ZC3H4: variants seen among roughly 807,000 people sequenced by gnomAD.
ZC3H4 encodes the protein zinc finger CCCH domain-containing protein 4.
Under a neutral mutation model 108.3 loss-of-function variants are expected in ZC3H4, and 13 were observed. That is an observed-to-expected ratio of 0.12 (90% confidence interval 0.08 to 0.19). The LOEUF is 0.19. Among genes scored for constraint, ZC3H4 ranks in the 10% least tolerant of loss-of-function variants. The probability of loss-of-function intolerance (pLI) is 1.00; values close to 1 mark genes in which losing one functional copy is unlikely to be tolerated. For missense variants in ZC3H4, 1,734 were observed against 1,838.8 expected, an observed-to-expected ratio of 0.94 and a Z score of 1.04; for synonymous variants, 917 against 749.6, an observed-to-expected ratio of 1.22 and a Z score of -3.65.
rs778540261 is a variant in ZC3H4 at position 47,069,235 on chromosome 19, G to A, written c.2255C>T (p.Pro752Leu). 23 of 1,613,480 alleles carry A rather than the reference G, an allele frequency of 1.4e-5. No individual in the cohort carries two copies. Among genetic ancestry groups the A allele is most frequent in the East Asian group, 4.5e-5 (2 of 44,870 alleles). Residue 752 changes from proline to leucine, a missense_variant, in exon 14 of 15, where the codon CCG becomes CTG. Transcript: ENST00000253048. ...SFSEGGPPGR[P>L]KPGAGVPDFL... ...GTCAGGGACACCGGCGCCTGGCTTC[G>A]GCCGGCCTGGGGGCCCTCCCTCAGA...
chr19:47,069,138 C>G lies in ZC3H4; in HGVS notation c.2352G>C (p.Ala784=). ...GCTTGCTGCTCTCAGCCAGCCTCCT[C>G]GCTCTCTCCTCCTCCTCCTGCTGCT... ...QQKQQEEEER[A]RRLAESSKQD... Residue 784 remains alanine (A), a synonymous_variant, in exon 14 of 15, where the codon GCG becomes GCC. Coordinates refer to ENST00000253048, the MANE Select transcript of ZC3H4 (RefSeq NM_015168.2). The G allele has an allele frequency of 6.2e-7, 1 of 1,606,206 alleles. No individual in the cohort carries two copies. The highest frequency in any genetic ancestry group is 8.5e-7 in the Non-Finnish European group (1 of 1,179,932).
chr19:47,093,864 G>T, intron 4 of ZC3H4, 106 bp downstream of exon 4: 2 of 910,118 alleles, frequency 2.2e-6, no homozygotes, highest in Non-Finnish European at 3.4e-6. Context: ...GATGGCCCAG[G>T]ACTGAAACTC....
At chr19:47,098,057 C>T (rs1028308749) in intron 2 of ZC3H4, among the ~76,000 whole-genome samples, 19 of 152,334 alleles carry the variant, frequency 1.2e-4, no homozygotes, top group Admixed American at 4.6e-4. Flanking sequence ...CCGGGTATTT[C>T]GGTTCCCATT....
chr19:47,095,825 C>A (rs1448740765), intron 2 of ZC3H4, among the ~76,000 whole-genome samples: 1 of 152,178 alleles, frequency 6.6e-6, no homozygotes, highest in East Asian at 1.9e-4. Flanking sequence ...AAAAGGCTTG[C>A]GTGAGAGCAT....
chr19:47,082,751 G>A (rs769133719), intron 9 of ZC3H4, among the ~76,000 whole-genome samples: 24 of 152,240 alleles, frequency 1.6e-4, no homozygotes, highest in Non-Finnish European at 3.1e-4. Context: ...ATAGTAAGCA[G>A]GAATGAGCCT....
intron 13 of ZC3H4, among the ~76,000 whole-genome samples, chr19:47,071,279 T>C (rs984157350): frequency 2.6e-5 from 4 of 151,992 alleles, no homozygotes; most frequent in Non-Finnish European, 4.4e-5. Flanking sequence ...ACATCTCCTA[T>C]GGCTGCAGCA....
chr19:47,081,390 C>T (rs912107150), intron 11 of ZC3H4, 123 bp downstream of exon 11: 8 of 750,000 alleles, frequency 1.1e-5, no homozygotes, highest in Non-Finnish European at 1.9e-5. Flanking sequence ...TTAGAATGGC[C>T]CAATTCCAGA....
rs1599986330 is a variant in ZC3H4 at position 47,072,321 on chromosome 19, A to C, written c.1802+31T>G. The C allele has an allele frequency of 1.9e-6, 3 of 1,603,884 alleles. No individual in the cohort carries two copies. The highest frequency in any genetic ancestry group is 2.6e-6 in the Non-Finnish European group (3 of 1,174,634). On this transcript the variant is annotated intron_variant, in intron 12 of 14. Coordinates refer to ENST00000253048, the MANE Select transcript of ZC3H4 (RefSeq NM_015168.2). The surrounding 1 kb of genome is among the most constrained non-coding windows in gnomAD (Gnocchi z 5.6). ...CCTGGCTGGGCCCAGGACAGCGCCC[A>C]CTGCCTGTCACGGGGGTCCAGGGCA...
intron 13 of ZC3H4, among the ~76,000 whole-genome samples, chr19:47,070,913 C>T (rs984247990): frequency 6.6e-6 from 1 of 152,040 alleles, no homozygotes; most frequent in African/African-American, 2.4e-5. Flanking sequence ...CCCTGCCTTG[C>T]ACTCCAGTGG....
At chr19:47,102,247 G>A (rs1414285908) in intron 2 of ZC3H4, among the ~76,000 whole-genome samples, 1 of 152,160 alleles carries the variant, frequency 6.6e-6, no homozygotes, top group Non-Finnish European at 1.5e-5. Context: ...AGCAGAACTA[G>A]AAACTAAGTC....
At chr19:47,084,254 A>C in intron 9 of ZC3H4, 91 bp downstream of exon 9, 2 of 1,236,742 alleles carry the variant, frequency 1.6e-6, no homozygotes, top group South Asian at 2.5e-5. Flanking sequence ...ACTCCCACCC[A>C]CCCTCACCAC....
chr19:47,065,035 C>G lies in ZC3H4; in HGVS notation c.*1321G>C, dbSNP rs1382184828. On this transcript the variant is annotated 3_prime_UTR_variant, in exon 15 of 15. Coordinates refer to ENST00000253048, the MANE Select transcript of ZC3H4 (RefSeq NM_015168.2). ...CAAGCACACACTTCCTGAGGCCCCTCAAGTGGCCCAGAGGCAGGATAGCAG... is the reference window on the plus strand; with the variant it reads ...CAAGCACACACTTCCTGAGGCCCCTGAAGTGGCCCAGAGGCAGGATAGCAG... 6.6e-6 allele frequency: 1 copy of G among 152,406 alleles called. No homozygotes were observed. Among genetic ancestry groups the G allele is most frequent in the Non-Finnish European group, 1.5e-5 (1 of 68,214 alleles). The allele number at this position is 152,406 out of a possible 1,614,324, so 9.4% of individuals were successfully genotyped here. A position where few individuals can be genotyped will look rare whatever the true frequency, so the allele number is the denominator to read the frequency against.
At chr19:47,074,548 G>C (rs887899384) in intron 11 of ZC3H4, among the ~76,000 whole-genome samples, 1 of 152,204 alleles carries the variant, frequency 6.6e-6, no homozygotes, top group Admixed American at 6.5e-5. Context: ...GGCCTCGGCT[G>C]GTGTCTGGGA....
chr19:47,087,830 T>C (rs1054673528), intron 5 of ZC3H4, among the ~76,000 whole-genome samples: 3 of 151,688 alleles, frequency 2.0e-5, no homozygotes, highest in African/African-American at 7.3e-5. Context: ...GCCAACATGG[T>C]GCCACTGCAC....
At chr19:47,078,280 C>A (rs1348676977) in intron 11 of ZC3H4, among the ~76,000 whole-genome samples, 1 of 152,096 alleles carries the variant, frequency 6.6e-6, no homozygotes, top group African/African-American at 2.4e-5. Context: ...TTGAAACCAG[C>A]CTGGCCAACA....
intron 2 of ZC3H4, chr19:47,112,163 G>C: frequency 8.6e-7 from 1 of 1,167,274 alleles, no homozygotes; most frequent in Non-Finnish European, 1.1e-6. Context: ...CCTCAGCATG[G>C]CGCCCAAAAA....
intron 11 of ZC3H4, among the ~76,000 whole-genome samples, chr19:47,078,383 C>A (rs548947099): frequency 4.8e-4 from 73 of 151,930 alleles, no homozygotes; most frequent in Admixed American, 6.6e-4. Flanking sequence ...CTTTGGGAGG[C>A]CAAGGCAGGA....
At chr19:47,098,048 C>T (rs1179238813) in intron 2 of ZC3H4, among the ~76,000 whole-genome samples, 2 of 152,308 alleles carry the variant, frequency 1.3e-5, no homozygotes, top group East Asian at 1.9e-4. Context: ...ACAAAGCTCC[C>T]GGGTATTTCG....
rs542652022 is a variant in ZC3H4, at chr19:47,108,851, G to A, written c.161+3573C>T. Reference sequence around the variant, plus strand: ...CATGAATTAGTCATTTTGGGGAACCGCATTTTTTTCTTTTAAAGAGCAAAT... The same window carrying A: ...CATGAATTAGTCATTTTGGGGAACCACATTTTTTTCTTTTAAAGAGCAAAT... On this transcript the variant is annotated intron_variant, in intron 2 of 14. Transcript: ENST00000253048. Among the ~76,000 whole-genome samples the A allele has an allele frequency of 3.3e-5, 5 of 152,076 alleles. No individual in the cohort carries two copies. The South Asian group carries it at 1.0e-3, about 32-fold the overall frequency.
Sources: allele counts gnomAD v4.1 joint callset (sites outside exome capture counted in the v4.1 genomes callset), GRCh38; gene constraint gnomAD v4.1.1; non-coding constraint Gnocchi (gnomAD v3.1); transcripts MANE v1.5; gene names NCBI Gene and HGNC (gene_info 2026-07-23, HGNC 2026-07-21).